LRRC1: variants seen among roughly 807,000 people sequenced by gnomAD.
LRRC1 encodes leucine-rich repeat-containing protein 1.
LRRC1 carries 28 observed loss-of-function variants against 69.9 expected under a neutral mutation model. That is an observed-to-expected ratio of 0.40 (90% CI 0.30 to 0.55). The LOEUF (loss-of-function observed/expected upper bound fraction) is 0.55, where lower values mean the gene tolerates loss of function less well. LRRC1 is among the 20% of genes least tolerant of loss of function. The pLI is 0.47. For missense variants in LRRC1, 498 were observed against 609.0 expected, an observed-to-expected ratio of 0.82 and a Z score of 1.92; for synonymous variants, 236 against 240.2, an observed-to-expected ratio of 0.98 and a Z score of 0.16.
intron 1 of LRRC1, among the ~76,000 whole-genome samples, chr6:53,818,631 C>T (rs1385979133): frequency 6.6e-6 from 1 of 152,092 alleles, no homozygotes; most frequent in Admixed American, 6.6e-5. Context: ...CTGTATGTGA[C>T]TGGATGTTTA....
intron 1 of LRRC1, among the ~76,000 whole-genome samples, chr6:53,807,609 G>A (rs1199034235): frequency 6.6e-6 from 1 of 152,192 alleles, no homozygotes; most frequent in African/African-American, 2.4e-5. Context: ...GCCAGGTGTG[G>A]TGGCGCATGC....
chr6:53,882,324 G>T (rs533344158), intron 3 of LRRC1, among the ~76,000 whole-genome samples: 1 of 152,168 alleles, frequency 6.6e-6, no homozygotes, highest in Non-Finnish European at 1.5e-5. Flanking sequence ...CTCCAGCCTG[G>T]GTGACAGAGT....
At position 53,922,755 on chromosome 6, in the gene LRRC1, G is replaced by C. The variant is rs1024273135; in HGVS notation, c.1537G>C (p.Val513Leu). Residue 513 changes from valine (V) to leucine (L), a missense_variant, in exon 14 of 14, where the codon GTC becomes CTC. By Grantham distance (32) the Val-to-Leu change is conservative (BLOSUM62 1). Coordinates refer to ENST00000370888, the MANE Select transcript of LRRC1 (RefSeq NM_018214.5). ...AKGLDSNKNE[V>L]NHAIDRVTTS... ...AGGACTGGACTCAAACAAAAACGAG[G>C]TCAATCATGCCATTGACCGAGTGAC... 1 of 1,614,074 alleles carries C rather than the reference G, an allele frequency of 6.2e-7. No individual in the cohort carries two copies. Among genetic ancestry groups the C allele is most frequent in the African/African-American group, 1.3e-5 (1 of 75,034 alleles).
At chr6:53,817,365 ATTT>A (rs911356860) in intron 1 of LRRC1, among the ~76,000 whole-genome samples, 1 of 152,064 alleles carries the variant, frequency 6.6e-6, no homozygotes, top group African/African-American at 2.4e-5. Context: ...TGATGTTATG[ATTT>A]TTTAATATAA....
At chr6:53,853,976 A>G (rs534517206) in intron 2 of LRRC1, among the ~76,000 whole-genome samples, 1 of 152,344 alleles carries the variant, frequency 6.6e-6, no homozygotes, top group South Asian at 2.1e-4. Context: ...GAGGTGATAC[A>G]CTAACGTGAT....
Position 53,921,503 on chromosome 6 carries a change from G to A in LRRC1, c.1416+742G>A, listed in dbSNP as rs547766832. Among the ~76,000 whole-genome samples, 13 of 152,254 alleles carry A rather than the reference G, an allele frequency of 8.5e-5. No individual in the cohort carries two copies. The South Asian group carries it at 2.7e-3, about 32-fold the overall frequency. The stretch of plus-strand genomic sequence containing the variant: ...CTTAGCCTTCTTGTAGAGGGCTTAT[G>A]ATCTTAGTTGGATTAGTTAACAAGT... On this transcript the variant is annotated intron_variant, in intron 13 of 13. Coordinates refer to ENST00000370888, the MANE Select transcript of LRRC1 (RefSeq NM_018214.5).
Position 53,795,289 on chromosome 6 carries a change from C to A in LRRC1, c.33C>A (p.Asn11Lys), listed in dbSNP as rs751460067. Residue 11 changes from asparagine (N) to lysine (K), a missense_variant, in exon 1 of 14, where the codon AAC becomes AAA. Asn to Lys is a moderately conservative substitution (Grantham distance 94). Transcript: ENST00000370888. MFHCIPLWRC[N>K]RHVESIDKRH... Reference sequence around the variant, plus strand: ...ACTGCATCCCCCTGTGGCGGTGCAACCGTCATGTGGAGAGCATCGACAAGC... The same window carrying A: ...ACTGCATCCCCCTGTGGCGGTGCAAACGTCATGTGGAGAGCATCGACAAGC... 3 of 1,612,514 alleles carry A rather than the reference C, an allele frequency of 1.9e-6. No homozygotes were observed. The South Asian group carries it at 3.3e-5, about 18-fold the overall frequency.
intron 1 of LRRC1, among the ~76,000 whole-genome samples, chr6:53,832,588 C>T (rs1765461423): frequency 6.6e-6 from 1 of 152,186 alleles, no homozygotes; most frequent in Non-Finnish European, 1.5e-5. Flanking sequence ...ATCTGTTTGA[C>T]TGCTTTTTGA....
intron 2 of LRRC1, among the ~76,000 whole-genome samples, chr6:53,849,264 G>T (rs1159598169): frequency 6.6e-6 from 1 of 152,068 alleles, no homozygotes; most frequent in East Asian, 1.9e-4. Flanking sequence ...TACATGCTAC[G>T]CTCTGTGTTA....
chr6:53,919,487 A>AAC lies in LRRC1; in HGVS notation c.1107-10_1107-9insCA, dbSNP rs1768673209. 1.7e-5 allele frequency: 26 copies of AAC among 1,502,540 alleles called. No homozygotes were observed. The highest frequency in any genetic ancestry group is 2.2e-5 in the Non-Finnish European group (25 of 1,132,018). 93.1% of individuals were successfully genotyped at this position (1,502,540 alleles called of 1,614,324 possible). ...TGATGTCTCTTTTTTTAAAAAAAAA[A>AAC]AAAAAAACAGGTTGCTGCATCTACC... On this transcript the variant is annotated splice_polypyrimidine_tract_variant and intron_variant, in intron 11 of 13. Transcript: ENST00000370888.
At chr6:53,871,960 C>A (rs12194768) in intron 2 of LRRC1, among the ~76,000 whole-genome samples, 56,487 of 151,966 alleles carry the variant, frequency 0.37, 11,068 homozygotes, top group East Asian at 0.68. Context: ...GAGCTACCGC[C>A]CCTGGCCTGT....
intron 1 of LRRC1, among the ~76,000 whole-genome samples, chr6:53,796,296 G>GT (rs1764300656): frequency 6.6e-6 from 1 of 152,224 alleles, no homozygotes; most frequent in African/African-American, 2.4e-5. Flanking sequence ...TTGACCGAGA[G>GT]TAGGGGTACA....
intron 1 of LRRC1, among the ~76,000 whole-genome samples, chr6:53,796,653 G>A (rs973297632): frequency 1.3e-5 from 2 of 152,112 alleles, no homozygotes; most frequent in African/African-American, 4.8e-5. Flanking sequence ...TGTTCTTCTT[G>A]GATTAACTTT....
chr6:53,845,211 CAAAAG>C (rs1362853526), intron 2 of LRRC1, among the ~76,000 whole-genome samples: 2 of 152,118 alleles, frequency 1.3e-5, no homozygotes, highest in African/African-American at 4.8e-5. Context: ...CTCAAACAAA[CAAAAG>C]AAAGAACGAA....
chr6:53,879,378 C>T (rs540128715), intron 3 of LRRC1, among the ~76,000 whole-genome samples: 37 of 152,174 alleles, frequency 2.4e-4, no homozygotes, highest in African/African-American at 4.6e-4. Context: ...CTCCGCCTTC[C>T]GGGTTCAAGT....
At chr6:53,909,068 T>C (rs1581916134) in intron 10 of LRRC1, among the ~76,000 whole-genome samples, 2 of 152,290 alleles carry the variant, frequency 1.3e-5, no homozygotes, top group East Asian at 3.9e-4. Flanking sequence ...TAGGAAAACA[T>C]TTATGGATAT....
At chr6:53,882,369 TTGTC>T (rs1208977634) in intron 3 of LRRC1, among the ~76,000 whole-genome samples, 1 of 152,092 alleles carries the variant, frequency 6.6e-6, no homozygotes, top group Non-Finnish European at 1.5e-5. Context: ...AAAGTAGCAA[TTGTC>T]TGTCAGTGGA....
chr6:53,912,815 T>G (rs1171677329), intron 10 of LRRC1, among the ~76,000 whole-genome samples: 1 of 152,228 alleles, frequency 6.6e-6, no homozygotes, highest in African/African-American at 2.4e-5. Flanking sequence ...AGTGGGAGGC[T>G]CTGGAGTAGT....
chr6:53,884,037 G>T, intron 4 of LRRC1: 1 of 716,118 alleles, frequency 1.4e-6, no homozygotes, highest in Non-Finnish European at 2.6e-6. Flanking sequence ...TATGCCATTA[G>T]ACTTGCTAAT....
Sources: gnomAD v4.1 joint callset for allele counts (sites outside exome capture counted in the v4.1 genomes callset) on GRCh38, gnomAD v4.1.1 for gene constraint, MANE v1.5 for transcripts, NCBI Gene and HGNC (gene_info 2026-07-23, HGNC 2026-07-21) for gene names.